OR6C75: variants seen among roughly 807,000 people sequenced by gnomAD.
OR6C75 encodes the protein olfactory receptor family 6 subfamily C member 75, also known as olfactory receptor 6C75.
For synonymous variants in OR6C75, 149 were observed against 130.6 expected (o/e 1.14, Z -0.96); for missense variants, 380 against 368.0 (o/e 1.03, Z -0.27).
intron 2 of OR6C75, among the ~76,000 whole-genome samples, chr12:55,364,652 T>C (rs1386536631): frequency 6.6e-6 from 1 of 152,042 alleles, no homozygotes; most frequent in Non-Finnish European, 1.5e-5. Context: ...TGTGTATATT[T>C]AAGGTATATA....
chr12:55,366,970 C>T lies in OR6C75; in HGVS notation c.*921C>T, dbSNP rs1055203589. On this transcript the variant is annotated 3_prime_UTR_variant, in exon 3 of 3. Transcript: ENST00000641576. ...CTTATATTGATACAAAATTGCCTTA[C>T]TACTGATATGATGAAGAAAATGACA... The T allele has an allele frequency of 1.3e-5, 2 of 152,094 alleles. No homozygotes were observed. Among genetic ancestry groups the T allele is most frequent in the African/African-American group, 4.8e-5 (2 of 41,396 alleles). The allele number at this position is 152,094 out of a possible 1,614,324, so 9.4% of individuals were successfully genotyped here. A position where few individuals can be genotyped will look rare whatever the true frequency, so the allele number is the denominator to read the frequency against.
Position 55,365,010 on chromosome 12 carries a change from C to T in OR6C75, c.-101C>T. The stretch of plus-strand genomic sequence containing the variant: ...ATTATGGTAAATGGAAAGAGCCAGA[C>T]AGAAAAAAAATAATAATTTTCTTTA... On this transcript the variant is annotated 5_prime_UTR_variant, in exon 3 of 3. An upstream open reading frame in the 5' UTR gains an earlier in-frame stop. Coordinates refer to ENST00000641576, the MANE Select transcript of OR6C75 (RefSeq NM_001005497.2). The T allele has an allele frequency of 1.3e-6, 1 of 775,536 alleles. No homozygotes were observed. The highest frequency in any genetic ancestry group is 2.1e-6 in the Non-Finnish European group (1 of 482,122). The allele number at this position is 775,536 out of a possible 1,614,324, so 48.0% of individuals were successfully genotyped here. A position where few individuals can be genotyped will look rare whatever the true frequency, so the allele number is the denominator to read the frequency against.
chr12:55,368,291 A>T lies in OR6C75; in HGVS notation c.*2242A>T, dbSNP rs1869850790. 1 of 152,304 alleles carries T rather than the reference A, an allele frequency of 6.6e-6. No individual in the cohort carries two copies. The highest frequency in any genetic ancestry group is 2.4e-5 in the African/African-American group (1 of 41,448). 9.4% of individuals were successfully genotyped at this position (152,304 alleles called of 1,614,324 possible). Reference sequence around the variant, plus strand: ...CCAGGAGTTCAAGACCAGCCTGGACAGCATAGCAAGACCCTATCTCTACTT... The same window carrying T: ...CCAGGAGTTCAAGACCAGCCTGGACTGCATAGCAAGACCCTATCTCTACTT... On this transcript the variant is annotated 3_prime_UTR_variant, in exon 3 of 3. Transcript: ENST00000641576.
rs769649489 is a variant in OR6C75, at chr12:55,365,784, A to G, written c.674A>G (p.Lys225Arg). The G allele has an allele frequency of 6.2e-7, 1 of 1,613,970 alleles. No individual in the cohort carries two copies. The highest frequency in any genetic ancestry group is 8.5e-7 in the Non-Finnish European group (1 of 1,179,996). The change falls in exon 3 of 3, where the codon AAA becomes AGA. Residue 225 changes from lysine to arginine, a missense_variant. Physicochemically the swap from Lys to Arg is conservative, Grantham distance 26. Transcript: ENST00000641576. ...SYTNIIRTIL[K>R]IPSMSQRKKA... The stretch of plus-strand genomic sequence containing the variant: ...ACAAACATCATCCGGACAATTCTGA[A>G]AATTCCTTCTATGAGTCAAAGGAAA...
rs1310380758 is a variant in OR6C75, at chr12:55,365,365, A to G, written c.255A>G (p.Thr85=). ...CIPRFLVTVV[T]GNRTISYNGC... ...CCAGATTCCTTGTCACTGTTGTGAC[A>G]GGAAACAGAACCATTTCTTATAATG... The change falls in exon 3 of 3, where the codon ACA becomes ACG. Residue 85 remains threonine, a synonymous_variant. Coordinates refer to ENST00000641576, the MANE Select transcript of OR6C75 (RefSeq NM_001005497.2). 9 of 1,613,994 alleles carry G rather than the reference A, an allele frequency of 5.6e-6. No homozygotes were observed. The highest frequency in any genetic ancestry group is 1.3e-5 in the African/African-American group (1 of 74,918).
chr12:55,369,273 C>T lies in OR6C75; in HGVS notation c.*3224C>T, dbSNP rs1452434905. Reference sequence around the variant, plus strand: ...AATAAATGTAAACCCATGAAAATCACTATGAATCTTTCCTTAAGTAGTATT... The same window carrying T: ...AATAAATGTAAACCCATGAAAATCATTATGAATCTTTCCTTAAGTAGTATT... On this transcript the variant is annotated 3_prime_UTR_variant, in exon 3 of 3. Transcript: ENST00000641576. The T allele has an allele frequency of 1.3e-5, 2 of 151,512 alleles. No homozygotes were observed. The highest frequency in any genetic ancestry group is 4.8e-5 in the African/African-American group (2 of 41,350). The allele number at this position is 151,512 out of a possible 1,614,324, so 9.4% of individuals were successfully genotyped here.
chr12:55,365,797 G>A lies in OR6C75; in HGVS notation c.687G>A (p.Met229Ile), dbSNP rs1167159762. 1.2e-6 allele frequency: 2 copies of A among 1,613,692 alleles called. No homozygotes were observed. The highest frequency in any genetic ancestry group is 8.5e-7 in the Non-Finnish European group (1 of 1,179,948). ...GGACAATTCTGAAAATTCCTTCTAT[G>A]AGTCAAAGGAAAAAAGCCTTTTCCA... ...IIRTILKIPS[M>I]SQRKKAFSTC... is the part of the protein sequence containing the mutation. The change falls in exon 3 of 3, where the codon ATG becomes ATA. Residue 229 changes from methionine to isoleucine, a missense_variant. Transcript: ENST00000641576.
rs1221114733 is a variant in OR6C75 at position 55,365,818 on chromosome 12, T to C, written c.708T>C (p.Phe236=). ...CTATGAGTCAAAGGAAAAAAGCCTT[T>C]TCCACTTGCTCCTCCCATATGATAG... ...IPSMSQRKKA[F]STCSSHMIVV... is the part of the protein sequence containing the mutation. The change falls in exon 3 of 3, where the codon TTT becomes TTC. Residue 236 remains phenylalanine, a synonymous_variant. Transcript: ENST00000641576. The C allele has an allele frequency of 6.2e-7, 1 of 1,613,702 alleles. No homozygotes were observed. Among genetic ancestry groups the C allele is most frequent in the Non-Finnish European group, 8.5e-7 (1 of 1,179,962 alleles).
rs1869819902 is a variant in OR6C75, at chr12:55,366,995, AAAGT to A, written c.*950_*953del. On this transcript the variant is annotated 3_prime_UTR_variant, in exon 3 of 3. Transcript: ENST00000641576. ...CTACTGATATGATGAAGAAAATGAC[AAAGT>A]AAGAGTCTACAATGGTGTGATACTG... 1.3e-5 allele frequency: 2 copies of A among 152,186 alleles called. No homozygotes were observed. Among genetic ancestry groups the A allele is most frequent in the African/African-American group, 2.4e-5 (1 of 41,462 alleles). The allele number at this position is 152,186 out of a possible 1,614,324, so 9.4% of individuals were successfully genotyped here. A position where few individuals can be genotyped will look rare whatever the true frequency, so the allele number is the denominator to read the frequency against.
rs67015069 is a variant in OR6C75 at position 55,366,184 on chromosome 12, T to A, written c.*135T>A. 0.23 allele frequency: 129,345 copies of A among 573,574 alleles called. 16,163 individuals are homozygous for A. The highest frequency in any genetic ancestry group is 0.48 in the East Asian group (16,429 of 33,884). The allele number at this position is 573,574 out of a possible 1,614,324, so 35.5% of individuals were successfully genotyped here. ...CATAGTTACATATCATCAACACTTCTTAATGAAATTAGCCTAAAAACCAAG... is the reference window on the plus strand; with the variant it reads ...CATAGTTACATATCATCAACACTTCATAATGAAATTAGCCTAAAAACCAAG... On this transcript the variant is annotated 3_prime_UTR_variant, in exon 3 of 3. Coordinates refer to ENST00000641576, the MANE Select transcript of OR6C75 (RefSeq NM_001005497.2).
rs759816232 is a variant in OR6C75 at position 55,365,059 on chromosome 12, C to A, written c.-52C>A. Reference sequence around the variant, plus strand: ...TACTGGTGTCATAGTTTTCTGGTTTCTTCACCTATTTTACAGCGAAAATAC... The same window carrying A: ...TACTGGTGTCATAGTTTTCTGGTTTATTCACCTATTTTACAGCGAAAATAC... On this transcript the variant is annotated 5_prime_UTR_variant, in exon 3 of 3. Transcript: ENST00000641576. 32 of 1,255,870 alleles carry A rather than the reference C, an allele frequency of 2.5e-5. No homozygotes were observed. Among genetic ancestry groups the A allele is most frequent in the Admixed American group, 4.2e-5 (2 of 47,442 alleles). The allele number at this position is 1,255,870 out of a possible 1,614,324, so 77.8% of individuals were successfully genotyped here.
chr12:55,367,991 C>T lies in OR6C75; in HGVS notation c.*1942C>T, dbSNP rs1869841993. On this transcript the variant is annotated 3_prime_UTR_variant, in exon 3 of 3. Transcript: ENST00000641576. ...AGAAGTTTAAGACCAGCCTTGGCAA[C>T]ATAGTGAGACTCTGTCTACACAAAA... The T allele has an allele frequency of 6.6e-6, 1 of 151,844 alleles. No homozygotes were observed. The highest frequency in any genetic ancestry group is 6.6e-5 in the Admixed American group (1 of 15,238). The allele number at this position is 151,844 out of a possible 1,614,324, so 9.4% of individuals were successfully genotyped here.
At chr12:55,364,647 A>G (rs1869749174) in intron 2 of OR6C75, among the ~76,000 whole-genome samples, 1 of 151,960 alleles carries the variant, frequency 6.6e-6, no homozygotes, top group Non-Finnish European at 1.5e-5. Flanking sequence ...TTCATTGTGT[A>G]TATTTAAGGT....
rs371529570 is a variant in OR6C75, at chr12:55,365,639, T to C, written c.529T>C (p.Cys177Arg). The part of the protein sequence containing the change: ...CASNVIDHFI[C>R]DSSPMLQLSC... ...CTCCAATGTAATTGATCATTTTATC[T>C]GTGACTCTTCTCCAATGCTGCAGCT... The change falls in exon 3 of 3, where the codon TGT becomes CGT. Residue 177 changes from cysteine to arginine, a missense_variant. Cys to Arg is a radical substitution (Grantham distance 180, BLOSUM62 -3). Transcript: ENST00000641576. The C allele has an allele frequency of 1.1e-4, 177 of 1,614,006 alleles. No homozygotes were observed. Among genetic ancestry groups the C allele is most frequent in the Non-Finnish European group, 1.5e-4 (176 of 1,180,040 alleles).
Position 55,365,465 on chromosome 12 carries a change from G to A in OR6C75, c.355G>A (p.Asp119Asn). The A allele has an allele frequency of 6.2e-7, 1 of 1,613,972 alleles. No individual in the cohort carries two copies. The highest frequency in any genetic ancestry group is 8.5e-7 in the Non-Finnish European group (1 of 1,179,962). Residue 119 changes from aspartate (D) to asparagine (N), a missense_variant, in exon 3 of 3, where the codon GAC becomes AAC. By Grantham distance (23) the Asp-to-Asn change is conservative. Transcript: ENST00000641576. ...EFYLLAAMSY[D>N]RCMAICKPLH... ...TTACCTTCTGGCTGCCATGTCCTATGACCGCTGCATGGCCATCTGCAAACC... is the reference window on the plus strand; with the variant it reads ...TTACCTTCTGGCTGCCATGTCCTATAACCGCTGCATGGCCATCTGCAAACC...
chr12:55,366,600 C>T lies in OR6C75; in HGVS notation c.*551C>T, dbSNP rs983851261. On this transcript the variant is annotated 3_prime_UTR_variant, in exon 3 of 3. Coordinates refer to ENST00000641576, the MANE Select transcript of OR6C75 (RefSeq NM_001005497.2). ...ATCTAAAATTTTTTCTTCAATGTCACCAGGAAAAACATGTTATAAAACTAA... is the reference window on the plus strand; with the variant it reads ...ATCTAAAATTTTTTCTTCAATGTCATCAGGAAAAACATGTTATAAAACTAA... 1 of 151,858 alleles carries T rather than the reference C, an allele frequency of 6.6e-6. No individual in the cohort carries two copies. Among genetic ancestry groups the T allele is most frequent in the Non-Finnish European group, 1.5e-5 (1 of 67,946 alleles). 9.4% of individuals were successfully genotyped at this position (151,858 alleles called of 1,614,324 possible). A position where few individuals can be genotyped will look rare whatever the true frequency, so the allele number is the denominator to read the frequency against.
In OR6C75 at chr12:55,366,085, A is replaced by C; in HGVS notation, c.*36A>C. 1 of 1,328,410 alleles carries C rather than the reference A, an allele frequency of 7.5e-7. No homozygotes were observed. The highest frequency in any genetic ancestry group is 1.4e-5 in the South Asian group (1 of 70,384). The allele number at this position is 1,328,410 out of a possible 1,614,324, so 82.3% of individuals were successfully genotyped here. A position where few individuals can be genotyped will look rare whatever the true frequency, so the allele number is the denominator to read the frequency against. On this transcript the variant is annotated 3_prime_UTR_variant, in exon 3 of 3. Transcript: ENST00000641576. ...GTAAAAAATGTACCCCCAAAGGCAA[A>C]GCTGAATGAAAAACTCTCTACCCTT...
rs1236509510 is a variant in OR6C75, at chr12:55,365,488, A to C, written c.378A>C (p.Lys126Asn). ...MSYDRCMAIC[K>N]PLHYTIIMST... ...ATGACCGCTGCATGGCCATCTGCAA[A>C]CCTCTTCATTACACAATCATCATGA... The change falls in exon 3 of 3, where the codon AAA becomes AAC. Residue 126 changes from lysine to asparagine, a missense_variant. Lys to Asn is a moderately conservative substitution (Grantham distance 94, BLOSUM62 0). Coordinates refer to ENST00000641576, the MANE Select transcript of OR6C75 (RefSeq NM_001005497.2). 1 of 1,613,804 alleles carries C rather than the reference A, an allele frequency of 6.2e-7. No homozygotes were observed. The highest frequency in any genetic ancestry group is 1.7e-5 in the Admixed American group (1 of 59,972).
rs1007763893 is a variant in OR6C75 at position 55,368,638 on chromosome 12, C to A, written c.*2589C>A. The A allele has an allele frequency of 6.6e-6, 1 of 151,980 alleles. No homozygotes were observed. Among genetic ancestry groups the A allele is most frequent in the African/African-American group, 2.4e-5 (1 of 41,400 alleles). 9.4% of individuals were successfully genotyped at this position (151,980 alleles called of 1,614,324 possible). ...AAATAAAAAAGTTATTTTAAAATTT[C>A]TAAAACAAGAAAAGAAAATTGGCTG... On this transcript the variant is annotated 3_prime_UTR_variant, in exon 3 of 3. Transcript: ENST00000641576.
Sources: allele counts gnomAD v4.1 joint callset (sites outside exome capture counted in the v4.1 genomes callset), GRCh38; gene constraint gnomAD v4.1.1; transcripts MANE v1.5; gene names NCBI Gene and HGNC (gene_info 2026-07-23, HGNC 2026-07-21).